Variants in TMEM117 observed in about 807,000 individuals in gnomAD.
TMEM117 encodes the protein transmembrane protein 117.
In TMEM117, 27 loss-of-function variants were observed where a neutral mutation model predicts 52.4. The ratio of observed to expected loss-of-function variants is 0.51; its 90% CI spans 0.38 to 0.71. The LOEUF (loss-of-function observed/expected upper bound fraction) is 0.71. Ranked by LOEUF, TMEM117 falls within the 30% of genes least tolerant of loss-of-function variation. The pLI, the probability that TMEM117 is intolerant of heterozygous loss-of-function variation, is 0.00. For missense variants in TMEM117, 556 were observed against 630.5 expected (o/e 0.88, Z 1.26); for synonymous variants, 215 against 206.3 (o/e 1.04, Z -0.36).
Position 44,388,913 on chromosome 12 carries a change from T to C in TMEM117, c.*241T>C. ...TGCTTTTCACAATTGCACAAGCTAT[T>C]ACTGACTTTACAGCATAGTGGAAGA... is the stretch of plus-strand genomic sequence containing the variant. On this transcript the variant is annotated 3_prime_UTR_variant, in exon 8 of 8. Coordinates refer to ENST00000266534, the MANE Select transcript of TMEM117 (RefSeq NM_032256.3). 1 of 488,932 alleles carries C rather than the reference T, an allele frequency of 2.0e-6. No homozygotes were observed. The allele number at this position is 488,932 out of a possible 1,614,324, so 30.3% of individuals were successfully genotyped here. A position where few individuals can be genotyped will look rare whatever the true frequency, so the allele number is the denominator to read the frequency against.
chr12:44,125,076 A>C (rs913349557), intron 3 of TMEM117, among the ~76,000 whole-genome samples: 1 of 152,066 alleles, frequency 6.6e-6, no homozygotes, highest in Non-Finnish European at 1.5e-5. Context: ...TTACTGCCTA[A>C]ATTTCAGAAG....
intron 3 of TMEM117, among the ~76,000 whole-genome samples, chr12:44,081,629 A>G (rs115397681): frequency 2.0e-5 from 3 of 152,138 alleles, no homozygotes; most frequent in African/African-American, 7.2e-5. Context: ...GTAGAGTCTT[A>G]AGTTCTGAGT....
chr12:44,161,843 C>T (rs1362448187), intron 4 of TMEM117, among the ~76,000 whole-genome samples: 1 of 151,846 alleles, frequency 6.6e-6, no homozygotes, highest in East Asian at 1.9e-4. Context: ...ATAGGTGTAC[C>T]AAGTGACAAG....
In TMEM117 at chr12:44,383,099, C is replaced by T. The variant is rs552143502; in HGVS notation, c.899-4927C>T. 2.3e-3 allele frequency among the ~76,000 whole-genome samples: 354 copies of T among 152,274 alleles called. 4 individuals carry two copies. The South Asian group carries it at 0.036, about 15-fold the overall frequency. On this transcript the variant is annotated intron_variant, in intron 7 of 7. Coordinates refer to ENST00000266534, the MANE Select transcript of TMEM117 (RefSeq NM_032256.3). The stretch of plus-strand genomic sequence containing the variant: ...TGCTGAATGACTTTGGGGAGCGTAA[C>T]CACATCCATACACCTGCACTAGATG...
intron 5 of TMEM117, chr12:44,248,873 A>C (rs557052898): frequency 6.4e-6 from 1 of 155,806 alleles, no homozygotes; most frequent in South Asian, 2.1e-4. Context: ...TTTGTGTCTT[A>C]ACCAGAGCCA....
the TMEM117 span, among the ~76,000 whole-genome samples, chr12:43,815,650 C>T: frequency 6.6e-6 from 1 of 152,326 alleles, no homozygotes; most frequent in African/African-American, 2.4e-5. Flanking sequence ...AAGCTGTAAA[C>T]AGTAACAGGC....
In TMEM117 at chr12:44,354,820, A is replaced by C. The variant is rs1347950149; in HGVS notation, c.769-21775A>C. ...CAAAAAATAATTTTAAAAATTAAAA[A>C]AAAAATCACTGAAAACAAAGTGCTT... On this transcript the variant is annotated intron_variant, in intron 6 of 7. Transcript: ENST00000266534. 2.0e-5 allele frequency among the ~76,000 whole-genome samples: 3 copies of C among 152,066 alleles called. No individual in the cohort carries two copies. The East Asian group carries it at 5.8e-4, about 29-fold the overall frequency.
At chr12:44,194,542 G>A (rs1378181668) in intron 4 of TMEM117, among the ~76,000 whole-genome samples, 2 of 152,166 alleles carry the variant, frequency 1.3e-5, no homozygotes, top group African/African-American at 4.8e-5. Context: ...TATAATCCCA[G>A]CACTTAATCC....
intron 3 of TMEM117, among the ~76,000 whole-genome samples, chr12:43,956,780 G>A (rs1304366896): frequency 1.3e-5 from 2 of 152,120 alleles, no homozygotes; most frequent in Non-Finnish European, 1.5e-5. Flanking sequence ...AATACCATTC[G>A]ACCCAGCAAT....
chr12:44,011,341 G>A (rs1946287258), intron 3 of TMEM117, among the ~76,000 whole-genome samples: 1 of 152,184 alleles, frequency 6.6e-6, no homozygotes. Flanking sequence ...ATCTTGAATT[G>A]TAACTCCCAC....
At chr12:44,335,076 A>T (rs1951323351) in intron 6 of TMEM117, among the ~76,000 whole-genome samples, 1 of 152,042 alleles carries the variant, frequency 6.6e-6, no homozygotes, top group Admixed American at 6.6e-5. Flanking sequence ...AGAAAAGCAG[A>T]CATGGTATAT....
At position 43,952,902 on chromosome 12, in the gene TMEM117, A is replaced by G. The variant is rs192847975; in HGVS notation, c.410+8560A>G. On this transcript the variant is annotated intron_variant, in intron 3 of 7. Coordinates refer to ENST00000266534, the MANE Select transcript of TMEM117 (RefSeq NM_032256.3). ...CTAAGGGCAGCAAGAGAAAAAAGCC[A>G]GGTCACCAACAAAGGGAAGCCCATC... Among the ~76,000 whole-genome samples, 164 of 152,254 alleles carry G rather than the reference A, an allele frequency of 1.1e-3. 4 individuals carry two copies. In the South Asian group the frequency reaches 0.017, roughly 16 times the overall value.
chr12:44,149,761 A>G (rs1049708494), intron 4 of TMEM117, among the ~76,000 whole-genome samples: 3 of 152,244 alleles, frequency 2.0e-5, no homozygotes, highest in African/African-American at 7.2e-5. Flanking sequence ...TGCATATTAT[A>G]ATCAGTGCCA....
intron 3 of TMEM117, among the ~76,000 whole-genome samples, chr12:44,060,677 A>G (rs1320928890): frequency 6.6e-6 from 1 of 152,146 alleles, no homozygotes; most frequent in Non-Finnish European, 1.5e-5. Context: ...ATTTTTAGAC[A>G]TATAGAAATT....
chr12:44,370,042 C>T (rs1167812885), intron 6 of TMEM117, among the ~76,000 whole-genome samples: 1 of 152,194 alleles, frequency 6.6e-6, no homozygotes, highest in Non-Finnish European at 1.5e-5. Flanking sequence ...CTTAATGCTC[C>T]TCCTGCTGTC....
chr12:44,067,236 A>G (rs566624909), intron 3 of TMEM117, among the ~76,000 whole-genome samples: 2 of 152,222 alleles, frequency 1.3e-5, no homozygotes, highest in Middle Eastern at 3.4e-3. Context: ...GCCATCCACA[A>G]GGGTTGGAGT....
At chr12:43,886,536 TGG>T (rs1249339016) in intron 2 of TMEM117, among the ~76,000 whole-genome samples, 3 of 152,124 alleles carry the variant, frequency 2.0e-5, no homozygotes, top group Non-Finnish European at 4.4e-5. Context: ...CTTAAAAAAT[TGG>T]GCTTTGAAGG....
chr12:44,282,880 C>T (rs1321858735), intron 5 of TMEM117, among the ~76,000 whole-genome samples: 6 of 152,192 alleles, frequency 3.9e-5, no homozygotes, highest in Non-Finnish European at 5.9e-5. Context: ...AAAGTGGTTT[C>T]GTGGGCTGGG....
the TMEM117 span, among the ~76,000 whole-genome samples, chr12:43,829,772 C>CAG: frequency 1.3e-5 from 2 of 152,084 alleles, no homozygotes; most frequent in African/African-American, 2.4e-5. Context: ...GAGCATGGGG[C>CAG]AGAGGAGAAA....
Sources: gnomAD v4.1 joint callset for allele counts (sites outside exome capture counted in the v4.1 genomes callset) on GRCh38, gnomAD v4.1.1 for gene constraint, MANE v1.5 for transcripts, NCBI Gene and HGNC (gene_info 2026-07-23, HGNC 2026-07-21) for gene names.